Variants in PACSIN1 observed in about 807,000 individuals in gnomAD.
PACSIN1 encodes protein kinase C and casein kinase substrate in neurons 1, also known as protein kinase C and casein kinase substrate in neurons protein 1.
A neutral mutation model predicts 59.5 loss-of-function variants in PACSIN1; 15 were observed. The ratio of observed to expected loss-of-function variants is 0.25; its 90% confidence interval spans 0.17 to 0.39. PACSIN1 has a LOEUF of 0.39. Ranked by LOEUF, PACSIN1 falls within the 10% of genes least tolerant of loss-of-function variation. PACSIN1 has a pLI of 1.00. For synonymous variants in PACSIN1, 210 were observed against 220.6 expected, an observed-to-expected ratio of 0.95 and a Z score of 0.42; for missense variants, 420 against 580.2, an observed-to-expected ratio of 0.72 and a Z score of 2.84.
Position 34,514,783 on chromosome 6 carries a change from C to A in PACSIN1, c.-63-11460C>A. ...GAGCATTGCCCAGTTGCCATAGAAA[C>A]GAGCAGAAGGAGGTGGGTGGCTGGA... is the stretch of plus-strand genomic sequence containing the variant. On this transcript the variant is annotated intron_variant, in intron 1 of 9. Coordinates refer to ENST00000244458, the MANE Select transcript of PACSIN1 (RefSeq NM_020804.5). The surrounding 1 kb of genome is among the most constrained non-coding windows in gnomAD (Gnocchi z 4.4). 6.6e-6 allele frequency: 1 copy of A among 152,618 alleles called. No individual in the cohort carries two copies. 9.5% of individuals were successfully genotyped at this position (152,618 alleles called of 1,614,324 possible).
chr6:34,481,205 C>T (rs565846893), intron 1 of PACSIN1, among the ~76,000 whole-genome samples: 28 of 152,008 alleles, frequency 1.8e-4, no homozygotes, highest in Non-Finnish European at 2.8e-4. Context: ...ATCACCATGC[C>T]TGGCTAATTT....
At chr6:34,479,975 G>A (rs1016751034) in intron 1 of PACSIN1, among the ~76,000 whole-genome samples, 2 of 151,482 alleles carry the variant, frequency 1.3e-5, no homozygotes, top group African/African-American at 4.9e-5. Flanking sequence ...ACAGGCATAT[G>A]CCACCACACC....
chr6:34,528,903 G>T, intron 4 of PACSIN1, 26 bp downstream of exon 4: 1 of 1,376,510 alleles, frequency 7.3e-7, no homozygotes, highest in African/African-American at 1.4e-5. Context: ...TGCCACGGGC[G>T]GGGTGGGGTG....
chr6:34,535,046 C>A lies in PACSIN1; in HGVS notation c.*2516C>A, dbSNP rs1245599352. 1 of 152,602 alleles carries A rather than the reference C, an allele frequency of 6.6e-6. No homozygotes were observed. Among genetic ancestry groups the A allele is most frequent in the East Asian group, 1.9e-4 (1 of 5,206 alleles). 9.5% of individuals were successfully genotyped at this position (152,602 alleles called of 1,614,324 possible). On this transcript the variant is annotated 3_prime_UTR_variant, in exon 10 of 10. Coordinates refer to ENST00000244458, the MANE Select transcript of PACSIN1 (RefSeq NM_020804.5). ...GGCTGCCCCACCGCCCGCCGTCTGC[C>A]GCCCTAGGCTTCCTGACTCCATTAG...
intron 1 of PACSIN1, among the ~76,000 whole-genome samples, chr6:34,520,686 G>A (rs963934922): frequency 6.6e-6 from 1 of 152,190 alleles, no homozygotes; most frequent in Non-Finnish European, 1.5e-5. Flanking sequence ...TGTTGATGCC[G>A]CCTGCGTGCT....
chr6:34,491,244 G>A (rs1433061742), intron 1 of PACSIN1, among the ~76,000 whole-genome samples: 1 of 152,142 alleles, frequency 6.6e-6, no homozygotes, highest in Non-Finnish European at 1.5e-5. Flanking sequence ...GTCACACTCA[G>A]CCTTGCGTTG....
At chr6:34,524,750 G>T (rs1044166097) in intron 1 of PACSIN1, among the ~76,000 whole-genome samples, 1 of 152,178 alleles carries the variant, frequency 6.6e-6, no homozygotes, top group Non-Finnish European at 1.5e-5. Flanking sequence ...TGGTGTTCCC[G>T]GGTGAAGGGT....
intron 1 of PACSIN1, among the ~76,000 whole-genome samples, chr6:34,506,024 T>TAATTGCTTAGGCTTA (rs1414182769): frequency 2.6e-5 from 4 of 152,180 alleles, no homozygotes; most frequent in Admixed American, 2.6e-4. Flanking sequence ...AGTTTCTACA[T>TAATTGCTTAGGCTTA]AATTGCTTAG....
At chr6:34,519,849 T>C (rs1767357425) in intron 1 of PACSIN1, among the ~76,000 whole-genome samples, 1 of 152,184 alleles carries the variant, frequency 6.6e-6, no homozygotes, top group South Asian at 2.1e-4. Flanking sequence ...GCAGATATTC[T>C]GTCTGGCCTC....
intron 1 of PACSIN1, among the ~76,000 whole-genome samples, chr6:34,493,559 C>T (rs1766907215): frequency 6.6e-6 from 1 of 152,176 alleles, no homozygotes; most frequent in Admixed American, 6.5e-5. Context: ...ACTCTGCATC[C>T]TCGCCAACAC....
chr6:34,526,971 A>C (rs1767496296), intron 2 of PACSIN1, among the ~76,000 whole-genome samples: 1 of 152,194 alleles, frequency 6.6e-6, no homozygotes, highest in Non-Finnish European at 1.5e-5. Flanking sequence ...CGCTTATATG[A>C]CTCTATATAA....
intron 1 of PACSIN1, among the ~76,000 whole-genome samples, chr6:34,503,275 AAAAAAG>A (rs56145565): frequency 2.6e-4 from 39 of 148,324 alleles, no homozygotes; most frequent in African/African-American, 8.2e-4. Context: ...TCAAAAAAAA[AAAAAAG>A]AAAAAGAAAA....
chr6:34,523,060 CT>C (rs1767422564), intron 1 of PACSIN1, among the ~76,000 whole-genome samples: 1 of 152,236 alleles, frequency 6.6e-6, no homozygotes, highest in Admixed American at 6.5e-5. Flanking sequence ...CGGGTATCCC[CT>C]AATCCCATCA....
At chr6:34,504,497 G>T (rs190891131) in intron 1 of PACSIN1, among the ~76,000 whole-genome samples, 70 of 152,118 alleles carry the variant, frequency 4.6e-4, no homozygotes, top group African/African-American at 1.5e-3. Flanking sequence ...CGCCCTGTTG[G>T]CTTGGCTGAT....
intron 1 of PACSIN1, among the ~76,000 whole-genome samples, chr6:34,485,368 C>T (rs954216817): frequency 2.6e-5 from 4 of 151,920 alleles, no homozygotes; most frequent in Non-Finnish European, 4.4e-5. Context: ...TAGGAGGCCA[C>T]GTAGCCCTCC....
At chr6:34,509,208 T>C (rs1767162869) in intron 1 of PACSIN1, among the ~76,000 whole-genome samples, 1 of 152,236 alleles carries the variant, frequency 6.6e-6, no homozygotes, top group Admixed American at 6.5e-5. Context: ...AAGATAATGA[T>C]TCAAATTCAT....
chr6:34,468,375 C>A (rs140237133), intron 1 of PACSIN1, among the ~76,000 whole-genome samples: 21 of 152,324 alleles, frequency 1.4e-4, no homozygotes, highest in Middle Eastern at 3.4e-3. Context: ...AGGGACTCAA[C>A]CCCCTCCCTC....
At chr6:34,510,860 A>T (rs1337914878) in intron 1 of PACSIN1, among the ~76,000 whole-genome samples, 1 of 152,120 alleles carries the variant, frequency 6.6e-6, no homozygotes, top group African/African-American at 2.4e-5. Context: ...CTACAGGCAC[A>T]TGCCGCCATG....
intron 1 of PACSIN1, among the ~76,000 whole-genome samples, chr6:34,492,864 GCT>G (rs1247410013): frequency 1.3e-5 from 2 of 152,234 alleles, no homozygotes. Context: ...TGGATAGTAT[GCT>G]CACTACCTGG....
Sources: allele counts gnomAD v4.1 joint callset (sites outside exome capture counted in the v4.1 genomes callset), GRCh38; gene constraint gnomAD v4.1.1; non-coding constraint Gnocchi (gnomAD v3.1); transcripts MANE v1.5; gene names NCBI Gene and HGNC (gene_info 2026-07-23, HGNC 2026-07-21).